The following RBFOX1 variants were observed in gnomAD, a reference collection of about 807,000 sequenced individuals.
RBFOX1 encodes RNA binding fox-1 homolog 1.
RBFOX1 carries 8 observed loss-of-function variants against 57.7 expected under a neutral mutation model. The ratio of observed to expected loss-of-function variants is 0.14; its 90% CI spans 0.08 to 0.25. The LOEUF (loss-of-function observed/expected upper bound fraction) is 0.25. Among genes scored for constraint, RBFOX1 ranks in the 10% least tolerant of loss-of-function variants. The pLI is 1.00. For synonymous variants in RBFOX1, 326 were observed against 222.4 expected (o/e 1.47, Z -4.15); for missense variants, 611 against 548.5 (o/e 1.11, Z -1.14).
chr16:6,791,026 C>T (rs1026353077), intron 3 of RBFOX1, among the ~76,000 whole-genome samples: 41 of 152,162 alleles, frequency 2.7e-4, no homozygotes, highest in African/African-American at 8.7e-4. Context: ...CCACTTCAGC[C>T]TTCTGAGCAG....
chr16:5,604,910 C>A (rs1227917358), downstream of RBFOX1, among the ~76,000 whole-genome samples: 5 of 152,282 alleles, frequency 3.3e-5, no homozygotes, highest in East Asian at 7.7e-4. Flanking sequence ...CTGCTGCAGT[C>A]TCAGCAAATG....
rs1378628445 is a variant in RBFOX1, at chr16:7,713,330, C to T, written c.*2585C>T. 1 of 152,152 alleles carries T rather than the reference C, an allele frequency of 6.6e-6. No individual in the cohort carries two copies. Among genetic ancestry groups the T allele is most frequent in the African/African-American group, 2.4e-5 (1 of 41,450 alleles). 9.4% of individuals were successfully genotyped at this position (152,152 alleles called of 1,614,324 possible). On this transcript the variant is annotated 3_prime_UTR_variant, in exon 16 of 16. Transcript: ENST00000550418. ...AATATCAAAAAAATAAAAGCTTAGT[C>T]TGAAAAGGTACAAGTTGGTGTTCTG...
At chr16:5,283,595 G>A (rs560787068) in intron 1 of RBFOX1, among the ~76,000 whole-genome samples, 2 of 152,200 alleles carry the variant, frequency 1.3e-5, no homozygotes, top group Admixed American at 6.5e-5. Flanking sequence ...GTGAGACATG[G>A]ACTCAAAGGA....
At chr16:5,388,562 G>C (rs547619444) in intron 1 of RBFOX1, among the ~76,000 whole-genome samples, 11 of 152,034 alleles carry the variant, frequency 7.2e-5, no homozygotes, top group South Asian at 2.1e-4. Context: ...GTGTGTTTCT[G>C]TGTGTGTGTA....
At chr16:5,461,273 A>C (rs145256831) in intron 1 of RBFOX1, among the ~76,000 whole-genome samples, 24 of 152,274 alleles carry the variant, frequency 1.6e-4, no homozygotes, top group Middle Eastern at 3.4e-3. Context: ...CTGGTTTATT[A>C]ATTCAAGAGT....
chr16:7,547,227 G>A (rs980494871), intron 5 of RBFOX1, among the ~76,000 whole-genome samples: 3 of 152,198 alleles, frequency 2.0e-5, no homozygotes, highest in Admixed American at 6.5e-5. Context: ...TTAACGTAGT[G>A]TGCAATGCTG....
At chr16:7,158,653 A>C (rs111503897) in intron 4 of RBFOX1, among the ~76,000 whole-genome samples, 1 of 150,566 alleles carries the variant, frequency 6.6e-6, no homozygotes. Context: ...TGGTGTGTCT[A>C]TGGTGCGTGC....
chr16:6,040,644 G>C (rs568371170), intron 1 of RBFOX1, among the ~76,000 whole-genome samples: 2 of 151,410 alleles, frequency 1.3e-5, no homozygotes, highest in East Asian at 3.9e-4. Context: ...TGCCTAGCTG[G>C]AGTGCTGTGG....
intron 3 of RBFOX1, among the ~76,000 whole-genome samples, chr16:6,661,610 GA>G (rs2154098846): frequency 6.6e-6 from 1 of 152,264 alleles, no homozygotes; most frequent in Non-Finnish European, 1.5e-5. Context: ...GTCAGCAGGG[GA>G]ATAAGAACTG....
chr16:5,506,090 T>G (rs1037281379), intron 2 of RBFOX1, among the ~76,000 whole-genome samples: 21 of 152,152 alleles, frequency 1.4e-4, no homozygotes, highest in African/African-American at 4.8e-4. Context: ...TTCCCTTGCC[T>G]TTGAGCCCAC....
At chr16:6,095,304 G>A (rs2096231306) in intron 1 of RBFOX1, among the ~76,000 whole-genome samples, 2 of 152,224 alleles carry the variant, frequency 1.3e-5, no homozygotes, top group African/African-American at 2.4e-5. Flanking sequence ...TCCTTCATGG[G>A]TTTGTAAGTG....
chr16:7,201,350 T>C (rs1602854033), intron 4 of RBFOX1, among the ~76,000 whole-genome samples: 1 of 152,146 alleles, frequency 6.6e-6, no homozygotes, highest in Non-Finnish European at 1.5e-5. Context: ...GATCAAGTCC[T>C]GTGTCTCCTA....
intron 2 of RBFOX1, among the ~76,000 whole-genome samples, chr16:6,533,095 G>C (rs920560308): frequency 5.3e-5 from 8 of 152,172 alleles, no homozygotes; most frequent in African/African-American, 1.7e-4. Flanking sequence ...GAGCATCCTA[G>C]GTTGGCCTAG....
chr16:5,882,422 C>G (rs1207042500), intron 4 of RBFOX1, among the ~76,000 whole-genome samples: 1 of 152,178 alleles, frequency 6.6e-6, no homozygotes, highest in Non-Finnish European at 1.5e-5. Flanking sequence ...TTGCCCCCCT[C>G]CCATTGGCCA....
chr16:6,218,736 C>T (rs1277095973), intron 1 of RBFOX1, among the ~76,000 whole-genome samples: 1 of 151,932 alleles, frequency 6.6e-6, no homozygotes, highest in African/African-American at 2.4e-5. Flanking sequence ...TAATATAATC[C>T]CTGGGAACTT....
At chr16:6,971,451 G>T (rs1234983598) in intron 3 of RBFOX1, among the ~76,000 whole-genome samples, 1 of 151,946 alleles carries the variant, frequency 6.6e-6, no homozygotes, top group Non-Finnish European at 1.5e-5. Context: ...GTTGGCAGGG[G>T]TCCCGCAGTG....
chr16:6,984,472 C>T (rs1455046257), intron 3 of RBFOX1, among the ~76,000 whole-genome samples: 1 of 152,106 alleles, frequency 6.6e-6, no homozygotes, highest in Admixed American at 6.6e-5. Flanking sequence ...GATGAAGCCA[C>T]TGTTAGGCAG....
chr16:5,657,653 TTTTCTTTTCTTTC>T (rs1344511958), intron 3 of RBFOX1, among the ~76,000 whole-genome samples: 3 of 131,740 alleles, frequency 2.3e-5, no homozygotes, highest in African/African-American at 5.9e-5. Flanking sequence ...TCTTTCTTTC[TTTTCTTTTCTTTC>T]TTTCTTTTCT....
At chr16:5,555,238 A>G (rs1468228886) in intron 2 of RBFOX1, among the ~76,000 whole-genome samples, 1 of 151,960 alleles carries the variant, frequency 6.6e-6, no homozygotes, top group South Asian at 2.1e-4. Context: ...GGTTTTTGCA[A>G]TTACTTTTAT....
Sources: allele counts gnomAD v4.1 joint callset (sites outside exome capture counted in the v4.1 genomes callset), GRCh38; gene constraint gnomAD v4.1.1; transcripts MANE v1.5; gene names NCBI Gene and HGNC (gene_info 2026-07-23, HGNC 2026-07-21).